Variants in CST1 observed in about 807,000 individuals in gnomAD.
The protein encoded by CST1 is cystatin-SN.
In CST1, 19 loss-of-function variants were observed where a neutral mutation model predicts 10.7. The observed-to-expected ratio is 1.78, with a 90% CI of 1.24 to 2.61. The LOEUF (loss-of-function observed/expected upper bound fraction) is 2.61, where lower values mean the gene tolerates loss of function less well. Ranked by LOEUF, CST1 falls within the 30% of genes most tolerant of loss-of-function variation. CST1 has a pLI of 0.00. For synonymous variants in CST1, 95 were observed against 72.8 expected, an observed-to-expected ratio of 1.31 and a Z score of -1.55; for missense variants, 247 against 178.1, an observed-to-expected ratio of 1.39 and a Z score of -2.20.
chr20:23,750,781 A>G lies in CST1; in HGVS notation c.86T>C (p.Ile29Thr), dbSNP rs756160302. ...LAWSPKEEDR[I>T]IPGGIYNADL... ...TGCGTTATAGATGCCACCCGGGATT[A>G]TCCTATCCTCCTCCTTGGGGCTCCA... is the stretch of plus-strand genomic sequence containing the variant. Residue 29 changes from isoleucine to threonine, a missense_variant, in exon 1 of 3, where the codon ATA (isoleucine) becomes ACA (threonine). By Grantham distance (89) the Ile-to-Thr change is moderately conservative. Transcript: ENST00000304749. 1.9e-6 allele frequency: 3 copies of G among 1,614,146 alleles called. No individual in the cohort carries two copies. Among genetic ancestry groups the G allele is most frequent in the Non-Finnish European group, 2.5e-6 (3 of 1,180,022 alleles).
At chr20:23,749,837 G>A (rs1358542920) in intron 1 of CST1, among the ~76,000 whole-genome samples, 4 of 150,274 alleles carry the variant, frequency 2.7e-5, no homozygotes, top group Admixed American at 1.3e-4. Context: ...ATGCAGGCCA[G>A]CGGGGACCAC....
chr20:23,749,745 C>T (rs913002278), intron 1 of CST1, among the ~76,000 whole-genome samples: 1 of 151,734 alleles, frequency 6.6e-6, no homozygotes, highest in Admixed American at 6.6e-5. Context: ...TCAGTTTACC[C>T]ATGTCTAAAA....
chr20:23,747,993 T>A, intron 2 of CST1, 94 bp from the exon 3 acceptor site: 1 of 1,264,160 alleles, frequency 7.9e-7, no homozygotes, highest in Non-Finnish European at 1.1e-6. Flanking sequence ...GTGAGGAGGA[T>A]GGAGGTGAGA....
In CST1 at chr20:23,750,659, C is replaced by T; in HGVS notation, c.208G>A (p.Val70Ile). 1 of 1,613,802 alleles carries T rather than the reference C, an allele frequency of 6.2e-7. No homozygotes were observed. ...CCTACCTGTTGCCTGGCTCTTAGTA[C>T]CCGCAGCGGACGTCTGTAGTAGTCA... ...KDDYYRRPLRVLRARQQTVGG... is the reference protein window; with the variant it reads ...KDDYYRRPLRILRARQQTVGG... Residue 70 changes from valine to isoleucine, a missense_variant, in exon 1 of 3, where the codon GTA (valine) becomes ATA (isoleucine). By Grantham distance (29) the Val-to-Ile change is conservative (BLOSUM62 3). Transcript: ENST00000304749.
chr20:23,750,859 T>A lies in CST1; in HGVS notation c.8A>T (p.Gln3Leu). 1 of 1,608,018 alleles carries A rather than the reference T, an allele frequency of 6.2e-7. No individual in the cohort carries two copies. Among genetic ancestry groups the A allele is most frequent in the Non-Finnish European group, 8.5e-7 (1 of 1,176,980 alleles). Residue 3 changes from glutamine (Q) to leucine (L), a missense_variant, in exon 1 of 3, where the codon CAG becomes CTG. Transcript: ENST00000304749. ...CAGGAGCAGCAGGGTACTCAGATAC[T>A]GGGCCATGGTCTCCTCAGAGGCAGA... Reference protein sequence around the residue: MAQYLSTLLLLLA... With the variant: MALYLSTLLLLLA...
intron 1 of CST1, among the ~76,000 whole-genome samples, chr20:23,749,928 T>A (rs1982782962): frequency 6.7e-6 from 1 of 150,236 alleles, no homozygotes; most frequent in South Asian, 2.2e-4. Flanking sequence ...TGGTGGGGAT[T>A]CCTTTGAATT....
In CST1 at chr20:23,750,783, C is replaced by G; in HGVS notation, c.84G>C (p.Arg28Ser). Reference protein sequence around the residue: ...ALAWSPKEEDRIIPGGIYNAD... With the variant: ...ALAWSPKEEDSIIPGGIYNAD... ...CGTTATAGATGCCACCCGGGATTAT[C>G]CTATCCTCCTCCTTGGGGCTCCAGG... Residue 28 changes from arginine to serine, a missense_variant, in exon 1 of 3, where the codon AGG (arginine) becomes AGC (serine). Physicochemically the swap from Arg to Ser is moderately radical, Grantham distance 110 (BLOSUM62 -1). Coordinates refer to ENST00000304749, the MANE Select transcript of CST1 (RefSeq NM_001898.3). The G allele has an allele frequency of 1.2e-6, 2 of 1,614,164 alleles. No homozygotes were observed. The highest frequency in any genetic ancestry group is 1.7e-6 in the Non-Finnish European group (2 of 1,180,024).
chr20:23,750,800 G>A lies in CST1; in HGVS notation c.67C>T (p.Pro23Ser), dbSNP rs746347123. 11 of 1,613,932 alleles carry A rather than the reference G, an allele frequency of 6.8e-6. No individual in the cohort carries two copies. Among genetic ancestry groups the A allele is most frequent in the South Asian group, 3.3e-5 (3 of 91,084 alleles). Residue 23 changes from proline to serine, a missense_variant, in exon 1 of 3, where the codon CCC becomes TCC. Coordinates refer to ENST00000304749, the MANE Select transcript of CST1 (RefSeq NM_001898.3). ...ATLAVALAWS[P>S]KEEDRIIPGG... ...GGGATTATCCTATCCTCCTCCTTGG[G>A]GCTCCAGGCCAGGGCCACAGCTAGG...
rs1600406901 is a variant in CST1 at position 23,750,826 on chromosome 20, G to A, written c.41C>T (p.Thr14Ile). Residue 14 changes from threonine to isoleucine, a missense_variant, in exon 1 of 3, where the codon ACC (threonine) becomes ATC (isoleucine). Transcript: ENST00000304749. ...GCTCCAGGCCAGGGCCACAGCTAGG[G>A]TGGCCAGCAGGAGCAGCAGGGTACT... The part of the protein sequence containing the change: ...YLSTLLLLLA[T>I]LAVALAWSPK... The A allele has an allele frequency of 6.2e-7, 1 of 1,613,890 alleles. No homozygotes were observed. Among genetic ancestry groups the A allele is most frequent in the East Asian group, 2.2e-5 (1 of 44,862 alleles).
intron 2 of CST1, among the ~76,000 whole-genome samples, chr20:23,748,515 C>T (rs1421416660): frequency 6.6e-6 from 1 of 152,060 alleles, no homozygotes; most frequent in Non-Finnish European, 1.5e-5. Context: ...TAGACAGAGC[C>T]CCTTCTCCCT....
chr20:23,748,156 G>A lies in CST1; in HGVS notation c.343-257C>T, dbSNP rs567659056. ...GTCCTGTCCCAGCACAGCCCTGTGA[G>A]GAGTAGCCTGGGCAAGGCCTCGGGA... On this transcript the variant is annotated intron_variant, in intron 2 of 2. Transcript: ENST00000304749. Among the ~76,000 whole-genome samples the A allele has an allele frequency of 2.0e-5, 3 of 152,268 alleles. No individual in the cohort carries two copies. In the East Asian group the frequency reaches 5.8e-4, roughly 30 times the overall value.
intron 2 of CST1, 36 bp from the exon 3 acceptor site, chr20:23,747,935 G>A (rs1982711098): frequency 1.3e-6 from 2 of 1,589,362 alleles, no homozygotes; most frequent in African/African-American, 2.7e-5. Flanking sequence ...ATCAGTGTGG[G>A]TTACAGTTAA....
intron 1 of CST1, among the ~76,000 whole-genome samples, chr20:23,749,553 G>T (rs574702639): frequency 6.6e-6 from 1 of 152,316 alleles, no homozygotes; most frequent in African/African-American, 2.4e-5. Context: ...ACCATTTCAA[G>T]TGTGAGATTC....
At chr20:23,748,681 T>G (rs544443313) in intron 2 of CST1, among the ~76,000 whole-genome samples, 1 of 151,990 alleles carries the variant, frequency 6.6e-6, no homozygotes, top group African/African-American at 2.4e-5. Context: ...TGCACATACA[T>G]GGACAACTAC....
At chr20:23,748,742 T>C (rs1022521596) in intron 2 of CST1, among the ~76,000 whole-genome samples, 1 of 151,494 alleles carries the variant, frequency 6.6e-6, no homozygotes, top group South Asian at 2.1e-4. Context: ...CAAAGCCCCA[T>C]ACACCCCCCA....
intron 1 of CST1, among the ~76,000 whole-genome samples, chr20:23,750,226 AG>A: frequency 6.6e-6 from 1 of 152,284 alleles, no homozygotes; most frequent in East Asian, 1.9e-4. Flanking sequence ...GGCTGTGCCC[AG>A]GGGCGTGACT....
rs370907239 is a variant in CST1, at chr20:23,747,800, G to A, written c.*16C>T. Reference sequence around the variant, plus strand: ...GGAGTGGGTGGTGGCTGGTGCGAATGGCCTGGCACAGATCCCTAGGATTCT... The same window carrying A: ...GGAGTGGGTGGTGGCTGGTGCGAATAGCCTGGCACAGATCCCTAGGATTCT... On this transcript the variant is annotated 3_prime_UTR_variant, in exon 3 of 3. Transcript: ENST00000304749. 2.5e-6 allele frequency: 4 copies of A among 1,612,244 alleles called. No homozygotes were observed. The highest frequency in any genetic ancestry group is 2.5e-6 in the Non-Finnish European group (3 of 1,178,458).
intron 2 of CST1, among the ~76,000 whole-genome samples, chr20:23,748,566 A>T (rs1397895881): frequency 6.6e-6 from 1 of 152,128 alleles, no homozygotes; most frequent in Non-Finnish European, 1.5e-5. Flanking sequence ...CCTGTCCAAC[A>T]GGCAACACTC....
rs376304783 is a variant in CST1, at chr20:23,747,799, T to A, written c.*17A>T. 21 of 1,612,222 alleles carry A rather than the reference T, an allele frequency of 1.3e-5. No homozygotes were observed. The highest frequency in any genetic ancestry group is 1.7e-5 in the Admixed American group (1 of 59,950). On this transcript the variant is annotated 3_prime_UTR_variant, in exon 3 of 3. Coordinates refer to ENST00000304749, the MANE Select transcript of CST1 (RefSeq NM_001898.3). ...GGGAGTGGGTGGTGGCTGGTGCGAA[T>A]GGCCTGGCACAGATCCCTAGGATTC...
Sources: allele counts gnomAD v4.1 joint callset (sites outside exome capture counted in the v4.1 genomes callset), GRCh38; gene constraint gnomAD v4.1.1; transcripts MANE v1.5; gene names NCBI Gene and HGNC (gene_info 2026-07-23, HGNC 2026-07-21).